The following MAN1A1 variants were observed in gnomAD, a reference collection of about 807,000 sequenced individuals.
MAN1A1 encodes the protein mannosidase alpha class 1A member 1.
In MAN1A1, 29 loss-of-function variants were observed where a neutral mutation model predicts 70.8. The ratio of observed to expected loss-of-function variants is 0.41; its 90% CI spans 0.31 to 0.56. The LOEUF (loss-of-function observed/expected upper bound fraction) is 0.56. Among genes scored for constraint, MAN1A1 ranks in the 20% least tolerant of loss-of-function variants. MAN1A1 has a pLI of 0.29. For synonymous variants in MAN1A1, 349 were observed against 330.1 expected (o/e 1.06, Z -0.62); for missense variants, 747 against 841.3 (o/e 0.89, Z 1.39).
At chr6:119,280,334 T>C (rs1776197225) in intron 5 of MAN1A1, among the ~76,000 whole-genome samples, 1 of 152,216 alleles carries the variant, frequency 6.6e-6, no homozygotes. Context: ...CAAATAACAC[T>C]CTGTGCCTCT....
chr6:119,214,831 C>T (rs1774153119), intron 6 of MAN1A1, among the ~76,000 whole-genome samples: 1 of 152,102 alleles, frequency 6.6e-6, no homozygotes, highest in African/African-American at 2.4e-5. Context: ...AAACAAATTA[C>T]CGTCATTATT....
chr6:119,260,976 G>GTTTTTTTT (rs61169300), intron 5 of MAN1A1, among the ~76,000 whole-genome samples: 12 of 116,938 alleles, frequency 1.0e-4, no homozygotes, highest in African/African-American at 2.0e-4. Flanking sequence ...TTTTTTTATT[G>GTTTTTTTT]TTTTTTTTTT....
At chr6:119,304,016 G>C (rs893435685) in intron 3 of MAN1A1, among the ~76,000 whole-genome samples, 6 of 152,214 alleles carry the variant, frequency 3.9e-5, no homozygotes, top group Non-Finnish European at 8.8e-5. Context: ...AATTGCTGCT[G>C]AAAGACTGGG....
intron 6 of MAN1A1, among the ~76,000 whole-genome samples, chr6:119,229,227 A>C (rs1582715727): frequency 1.5e-5 from 2 of 134,632 alleles, no homozygotes; most frequent in South Asian, 2.4e-4. Context: ...AAAAAAAAAA[A>C]ACAAAAAATG....
At chr6:119,306,101 C>T (rs947316862) in intron 3 of MAN1A1, among the ~76,000 whole-genome samples, 16 of 152,154 alleles carry the variant, frequency 1.1e-4, no homozygotes, top group African/African-American at 3.4e-4. Context: ...ATGTGAATTG[C>T]TATTATTTAA....
chr6:119,349,171 C>T lies in MAN1A1; in HGVS notation c.-106G>A. The T allele has an allele frequency of 8.1e-7, 1 of 1,228,614 alleles. No individual in the cohort carries two copies. The highest frequency in any genetic ancestry group is 1.6e-5 in the African/African-American group (1 of 63,828). The allele number at this position is 1,228,614 out of a possible 1,614,324, so 76.1% of individuals were successfully genotyped here. On this transcript the variant is annotated 5_prime_UTR_variant, in exon 2 of 13. Coordinates refer to ENST00000368468, the MANE Select transcript of MAN1A1 (RefSeq NM_005907.4). ...CTGGGTCCTGCGTAGCCAGGCCGCCCGACCCCCTCGGCTGGGCTGCGGATC... is the reference window on the plus strand; with the variant it reads ...CTGGGTCCTGCGTAGCCAGGCCGCCTGACCCCCTCGGCTGGGCTGCGGATC...
chr6:119,312,058 C>A (rs1055514792), intron 2 of MAN1A1, among the ~76,000 whole-genome samples: 1 of 152,038 alleles, frequency 6.6e-6, no homozygotes, highest in African/African-American at 2.4e-5. Context: ...TATAACAGTC[C>A]GCTGTTTGTC....
intron 5 of MAN1A1, among the ~76,000 whole-genome samples, chr6:119,264,591 GT>G (rs1193109643): frequency 6.6e-6 from 1 of 152,118 alleles, no homozygotes; most frequent in East Asian, 1.9e-4. Context: ...GCTTGCGGTT[GT>G]TGTTTAGGAG....
At chr6:119,182,065 T>C (rs1159026684) in intron 11 of MAN1A1, among the ~76,000 whole-genome samples, 3 of 152,220 alleles carry the variant, frequency 2.0e-5, no homozygotes, top group South Asian at 2.1e-4. Flanking sequence ...TTTTTGATAA[T>C]AGCCATTTAA....
At chr6:119,192,383 G>C (rs995048051) in intron 9 of MAN1A1, among the ~76,000 whole-genome samples, 1 of 152,140 alleles carries the variant, frequency 6.6e-6, no homozygotes, top group Non-Finnish European at 1.5e-5. Context: ...CTTTATAAAG[G>C]CTGTGCCAAA....
chr6:119,206,227 G>A (rs1773855951), intron 6 of MAN1A1, among the ~76,000 whole-genome samples: 1 of 152,204 alleles, frequency 6.6e-6, no homozygotes, highest in African/African-American at 2.4e-5. Flanking sequence ...TGGAAGGACA[G>A]GTTGGAGCCA....
At chr6:119,329,838 T>C (rs1190687587) in intron 2 of MAN1A1, among the ~76,000 whole-genome samples, 1 of 152,198 alleles carries the variant, frequency 6.6e-6, no homozygotes, top group East Asian at 1.9e-4. Context: ...GCTGCTACCC[T>C]GAATACTGCA....
chr6:119,247,461 G>C (rs1775196936), intron 6 of MAN1A1, among the ~76,000 whole-genome samples: 1 of 152,170 alleles, frequency 6.6e-6, no homozygotes, highest in South Asian at 2.1e-4. Flanking sequence ...GACAATAATA[G>C]CTATCATCAC....
intron 2 of MAN1A1, among the ~76,000 whole-genome samples, chr6:119,326,674 A>C (rs2114485344): frequency 6.6e-6 from 1 of 152,354 alleles, no homozygotes; most frequent in East Asian, 1.9e-4. Flanking sequence ...TCATGGTGGA[A>C]GGTGAAGCAA....
In MAN1A1 at chr6:119,267,020, T is replaced by C. The variant is rs139877989; in HGVS notation, c.898-18666A>G. Among the ~76,000 whole-genome samples, 1,098 of 152,128 alleles carry C rather than the reference T, an allele frequency of 7.2e-3. 8 individuals carry two copies. Among genetic ancestry groups the C allele is most frequent in the African/African-American group, 0.025 (1,030 of 41,508 alleles). On this transcript the variant is annotated intron_variant, in intron 5 of 12. Coordinates refer to ENST00000368468, the MANE Select transcript of MAN1A1 (RefSeq NM_005907.4). ...TCGCAAATCATCAAGTAAATGCAAA[T>C]GAAAACAACAAGATACTAATTAGTA...
chr6:119,328,277 T>C lies in MAN1A1; in HGVS notation c.603+20186A>G, dbSNP rs183721530. ...CCCGGTCTTCAAACCCCAAAACTAT[T>C]TCCTTAAGTAATCAATATCTGCAAA... On this transcript the variant is annotated intron_variant, in intron 2 of 12. Coordinates refer to ENST00000368468, the MANE Select transcript of MAN1A1 (RefSeq NM_005907.4). Among the ~76,000 whole-genome samples the C allele has an allele frequency of 1.9e-3, 288 of 152,280 alleles. 3 individuals are homozygous for C. Among genetic ancestry groups the C allele is most frequent in the African/African-American group, 6.6e-3 (273 of 41,556 alleles).
chr6:119,335,208 T>C (rs146428459), intron 2 of MAN1A1, among the ~76,000 whole-genome samples: 9 of 152,340 alleles, frequency 5.9e-5, no homozygotes, highest in African/African-American at 2.2e-4. Flanking sequence ...GAAATGACTT[T>C]CTGAATCCAA....
intron 8 of MAN1A1, among the ~76,000 whole-genome samples, chr6:119,199,275 A>C (rs888911446): frequency 2.0e-5 from 3 of 152,206 alleles, no homozygotes; most frequent in African/African-American, 7.2e-5. Flanking sequence ...TTTTTCTTGA[A>C]GTGACAAGCT....
chr6:119,186,722 G>A (rs1430907754), intron 11 of MAN1A1, among the ~76,000 whole-genome samples: 3 of 152,192 alleles, frequency 2.0e-5, no homozygotes, highest in Non-Finnish European at 2.9e-5. Context: ...TGCTGGAGGT[G>A]GGAGCTGCAA....
Sources: allele counts gnomAD v4.1 joint callset (sites outside exome capture counted in the v4.1 genomes callset), GRCh38; gene constraint gnomAD v4.1.1; transcripts MANE v1.5; gene names NCBI Gene and HGNC (gene_info 2026-07-23, HGNC 2026-07-21).